Variants in PAG1 observed in about 807,000 individuals in gnomAD.
The protein encoded by PAG1 is phosphoprotein membrane anchor with glycosphingolipid microdomains 1.
A neutral mutation model predicts 31.7 loss-of-function variants in PAG1; 23 were observed. That is an observed-to-expected ratio of 0.73 (90% CI 0.52 to 1.03). The LOEUF is 1.03. PAG1 is among the 50% of genes least tolerant of loss of function. The probability of loss-of-function intolerance (pLI) is 0.00; values close to 1 mark genes in which losing one functional copy is unlikely to be tolerated. For missense variants in PAG1, 473 were observed against 540.7 expected, an observed-to-expected ratio of 0.87 and a Z score of 1.24; for synonymous variants, 214 against 210.3, an observed-to-expected ratio of 1.02 and a Z score of -0.15.
chr8:81,070,656 AC>A lies in PAG1; in HGVS notation c.-233-487del, dbSNP rs67467711. On this transcript the variant is annotated intron_variant, in intron 1 of 8. Transcript: ENST00000220597. ...TCAAGAAGATGAAAGTCTTTTCAGC[AC>A]AAAAAAAAAAAGGTGAAACAAAATT... is the stretch of plus-strand genomic sequence containing the variant. 9.1e-3 allele frequency among the ~76,000 whole-genome samples: 1,010 copies of A among 111,066 alleles called. 12 individuals are homozygous for A. The highest frequency in any genetic ancestry group is 0.028 in the African/African-American group (812 of 29,484). 72.9% of individuals were successfully genotyped at this position (111,066 alleles called of 152,430 possible). A position where few individuals can be genotyped will look rare whatever the true frequency, so the allele number is the denominator to read the frequency against.
intron 2 of PAG1, among the ~76,000 whole-genome samples, chr8:81,066,049 A>G (rs575259104): frequency 3.9e-5 from 6 of 152,180 alleles, no homozygotes; most frequent in Non-Finnish European, 8.8e-5. Flanking sequence ...AGAAGTGCCC[A>G]TCCTTTGGGC....
At chr8:81,032,984 C>T (rs548165895) in intron 2 of PAG1, among the ~76,000 whole-genome samples, 2 of 152,182 alleles carry the variant, frequency 1.3e-5, no homozygotes, top group Non-Finnish European at 2.9e-5. Flanking sequence ...TTATATGATC[C>T]TGTTTATAAG....
chr8:81,106,090 C>T (rs917468630), intron 1 of PAG1, among the ~76,000 whole-genome samples: 9 of 152,056 alleles, frequency 5.9e-5, no homozygotes, highest in East Asian at 1.9e-4. Flanking sequence ...TTGCCCAGGC[C>T]GGGGTGCAGT....
In PAG1 at chr8:81,025,011, C is replaced by T. The variant is rs188735058; in HGVS notation, c.-81+4985G>A. Among the ~76,000 whole-genome samples the T allele has an allele frequency of 2.4e-3, 370 of 152,262 alleles. 3 individuals are homozygous for T. The highest frequency in any genetic ancestry group is 4.0e-3 in the Non-Finnish European group (274 of 68,014). ...AAGCTTAGGGATAATTCAGTTCTAT[C>T]CTCCATATTTTACAAATGAGAAATT... On this transcript the variant is annotated intron_variant, in intron 3 of 8. Transcript: ENST00000220597.
At chr8:81,063,416 C>T (rs77150035) in intron 2 of PAG1, among the ~76,000 whole-genome samples, 2,197 of 152,294 alleles carry the variant, frequency 0.014, 61 homozygotes, top group African/African-American at 0.049. Context: ...ACAGGAGAGG[C>T]CTCAGTGAGC....
intron 3 of PAG1, among the ~76,000 whole-genome samples, chr8:81,000,668 C>T (rs1293146305): frequency 6.6e-6 from 1 of 152,158 alleles, no homozygotes; most frequent in Non-Finnish European, 1.5e-5. Flanking sequence ...TCTTGAACTC[C>T]TGATCTCAAG....
chr8:81,112,064 A>T lies in PAG1; in HGVS notation c.-707T>A, dbSNP rs896816916. 3 of 152,176 alleles carry T rather than the reference A, an allele frequency of 2.0e-5. No individual in the cohort carries two copies. The South Asian group carries it at 6.2e-4, about 32-fold the overall frequency. The allele number at this position is 152,176 out of a possible 1,614,324, so 9.4% of individuals were successfully genotyped here. ...GCCAGCACTCGCCGCCGCGCCGCGGAGAATGACAGGCGCCGAGGCGGAGCA... is the reference window on the plus strand; with the variant it reads ...GCCAGCACTCGCCGCCGCGCCGCGGTGAATGACAGGCGCCGAGGCGGAGCA... On this transcript the variant is annotated 5_prime_UTR_variant, in exon 1 of 9. Transcript: ENST00000220597.
intron 1 of PAG1, among the ~76,000 whole-genome samples, chr8:81,070,996 A>G (rs754322173): frequency 6.6e-6 from 1 of 152,214 alleles, no homozygotes; most frequent in Non-Finnish European, 1.5e-5. Context: ...ACTGGGGGAA[A>G]CTGGTGCCTC....
At chr8:81,099,044 T>G (rs1022935484) in intron 1 of PAG1, among the ~76,000 whole-genome samples, 1 of 152,236 alleles carries the variant, frequency 6.6e-6, no homozygotes, top group East Asian at 1.9e-4. Flanking sequence ...AACTGACATG[T>G]GGTTAGTTTT....
At chr8:80,998,409 T>C (rs1807724660) in intron 3 of PAG1, among the ~76,000 whole-genome samples, 1 of 152,112 alleles carries the variant, frequency 6.6e-6, no homozygotes, top group African/African-American at 2.4e-5. Flanking sequence ...ATTACAGGCG[T>C]GAACCACCAT....
chr8:81,012,262 G>T lies in PAG1; in HGVS notation c.-81+17734C>A, dbSNP rs115255513. ...AATCCTACTGACATATGGAATGACA[G>T]TTGGGCACTACCACTATTTTGAGGC... On this transcript the variant is annotated intron_variant, in intron 3 of 8. Coordinates refer to ENST00000220597, the MANE Select transcript of PAG1 (RefSeq NM_018440.4). 6.9e-3 allele frequency among the ~76,000 whole-genome samples: 1,052 copies of T among 152,320 alleles called. 8 individuals carry two copies. The highest frequency in any genetic ancestry group is 0.024 in the African/African-American group (1,009 of 41,558).
At chr8:81,033,018 A>G (rs1808401307) in intron 2 of PAG1, among the ~76,000 whole-genome samples, 1 of 152,228 alleles carries the variant, frequency 6.6e-6, no homozygotes, top group African/African-American at 2.4e-5. Flanking sequence ...AGGCAAATAC[A>G]TAGAGATAGA....
chr8:81,086,783 T>C (rs1809365671), intron 1 of PAG1, among the ~76,000 whole-genome samples: 4 of 152,170 alleles, frequency 2.6e-5, no homozygotes, highest in African/African-American at 9.7e-5. Flanking sequence ...AAGATATTAT[T>C]TCATATCTAC....
Position 80,987,360 on chromosome 8 carries a change from CA to C in PAG1, c.274+9del, listed in dbSNP as rs767473478. 2.3e-5 allele frequency: 36 copies of C among 1,579,982 alleles called. No homozygotes were observed. Among genetic ancestry groups the C allele is most frequent in the Non-Finnish European group, 3.0e-5 (35 of 1,149,318 alleles). ...CCTGTGTGGAAAGCTGGTGTTTTTGCAGAACTTACTGTCCCCATTGGTGAGT... is the reference window on the plus strand; with the variant it reads ...CCTGTGTGGAAAGCTGGTGTTTTTGCGAACTTACTGTCCCCATTGGTGAGT... On this transcript the variant is annotated intron_variant, in intron 6 of 8. Transcript: ENST00000220597.
In PAG1 at chr8:80,972,781, C is replaced by A. The variant is rs1454063142; in HGVS notation, c.*3763G>T. ...GCAACTCAAGGTTTTCCTGTAATTA[C>A]CAAATGAAACTGATTGAAAAACTGT... is the stretch of plus-strand genomic sequence containing the variant. On this transcript the variant is annotated 3_prime_UTR_variant, in exon 9 of 9. Coordinates refer to ENST00000220597, the MANE Select transcript of PAG1 (RefSeq NM_018440.4). 1 of 152,112 alleles carries A rather than the reference C, an allele frequency of 6.6e-6. No homozygotes were observed. The highest frequency in any genetic ancestry group is 1.5e-5 in the Non-Finnish European group (1 of 68,032). The allele number at this position is 152,112 out of a possible 1,614,324, so 9.4% of individuals were successfully genotyped here.
intron 2 of PAG1, among the ~76,000 whole-genome samples, chr8:81,033,853 C>T (rs1462385160): frequency 1.3e-5 from 2 of 152,230 alleles, no homozygotes; most frequent in Non-Finnish European, 2.9e-5. Flanking sequence ...GGCTGAGCCC[C>T]CGCTGGCAGT....
At chr8:81,024,665 A>G (rs1417463073) in intron 3 of PAG1, among the ~76,000 whole-genome samples, 1 of 152,172 alleles carries the variant, frequency 6.6e-6, no homozygotes, top group Non-Finnish European at 1.5e-5. Context: ...AATTTGTTCA[A>G]ACTGGGAACA....
chr8:81,008,564 T>C (rs1030831351), intron 3 of PAG1, among the ~76,000 whole-genome samples: 6 of 148,284 alleles, frequency 4.0e-5, no homozygotes, highest in African/African-American at 1.5e-4. Flanking sequence ...TACTAATATA[T>C]AATATATATA....
At chr8:81,090,028 C>A (rs1364499345) in intron 1 of PAG1, among the ~76,000 whole-genome samples, 1 of 152,148 alleles carries the variant, frequency 6.6e-6, no homozygotes, top group Non-Finnish European at 1.5e-5. Context: ...TTCTATAATT[C>A]TCTTCACAAA....
Sources: allele counts gnomAD v4.1 joint callset (sites outside exome capture counted in the v4.1 genomes callset), GRCh38; gene constraint gnomAD v4.1.1; transcripts MANE v1.5; gene names NCBI Gene and HGNC (gene_info 2026-07-23, HGNC 2026-07-21).